Variants in IQCM observed in about 807,000 individuals in gnomAD.
IQCM encodes IQ domain-containing protein M.
In IQCM, 45 loss-of-function variants were observed where a neutral mutation model predicts 57.6. That is an observed-to-expected ratio of 0.78 (90% CI 0.62 to 1.00). IQCM has a LOEUF of 1.00. Among genes scored for constraint, IQCM ranks in the 50% least tolerant of loss-of-function variants. IQCM has a pLI of 0.00. For missense variants in IQCM, 468 were observed against 511.6 expected (o/e 0.91, Z 0.82); for synonymous variants, 148 against 158.9 (o/e 0.93, Z 0.51).
At chr4:149,794,999 T>C (rs1772985008) in intron 2 of IQCM, among the ~76,000 whole-genome samples, 1 of 152,122 alleles carries the variant, frequency 6.6e-6, no homozygotes. Flanking sequence ...AAATAATTTA[T>C]AGTAAAAGAT....
At chr4:149,556,657 A>C (rs1481320414) in intron 10 of IQCM, among the ~76,000 whole-genome samples, 1 of 152,230 alleles carries the variant, frequency 6.6e-6, no homozygotes, top group African/African-American at 2.4e-5. Context: ...ACAGTGAAAT[A>C]AAAATTGAAC....
intron 9 of IQCM, among the ~76,000 whole-genome samples, chr4:149,574,275 G>A (rs1259709000): frequency 6.6e-6 from 1 of 151,846 alleles, no homozygotes; most frequent in Admixed American, 6.6e-5. Context: ...ATTTTGATAT[G>A]GAGCAAATTG....
At chr4:149,569,059 T>A (rs1470685555) in intron 9 of IQCM, among the ~76,000 whole-genome samples, 3 of 152,068 alleles carry the variant, frequency 2.0e-5, no homozygotes, top group Non-Finnish European at 4.4e-5. Flanking sequence ...GAACCCTACA[T>A]CTACATGACA....
chr4:149,647,747 T>G (rs1758775118), intron 7 of IQCM, among the ~76,000 whole-genome samples: 1 of 152,174 alleles, frequency 6.6e-6, no homozygotes, highest in Non-Finnish European at 1.5e-5. Context: ...AATTTAGGAT[T>G]AATTGGGTCT....
intron 6 of IQCM, among the ~76,000 whole-genome samples, chr4:149,682,578 A>C (rs1291444952): frequency 6.6e-6 from 1 of 151,030 alleles, no homozygotes; most frequent in Non-Finnish European, 1.5e-5. Flanking sequence ...TCAACAGCTG[A>C]ATAAAGTCAA....
At chr4:149,625,549 C>G (rs1482572197) in intron 7 of IQCM, among the ~76,000 whole-genome samples, 1 of 152,172 alleles carries the variant, frequency 6.6e-6, no homozygotes, top group African/African-American at 2.4e-5. Context: ...TATGATTGGA[C>G]AAAATGTGGT....
chr4:149,756,009 T>C (rs184528892), intron 2 of IQCM, among the ~76,000 whole-genome samples: 3 of 152,268 alleles, frequency 2.0e-5, no homozygotes, highest in Admixed American at 6.5e-5. Context: ...CTTTTAATAA[T>C]TGTTTGGAGG....
intron 2 of IQCM, among the ~76,000 whole-genome samples, chr4:149,755,487 G>T (rs1561237526): frequency 6.6e-6 from 1 of 151,938 alleles, no homozygotes; most frequent in Non-Finnish European, 1.5e-5. Flanking sequence ...TACCTTATTT[G>T]CCTGAAATGT....
chr4:149,583,209 TATA>T (rs1009817910), intron 9 of IQCM, among the ~76,000 whole-genome samples: 20 of 151,760 alleles, frequency 1.3e-4, no homozygotes, highest in Middle Eastern at 6.8e-3. Context: ...TTACATGAAC[TATA>T]ATAATATTTG....
chr4:149,759,883 A>G (rs1379646898), intron 2 of IQCM, among the ~76,000 whole-genome samples: 1 of 152,118 alleles, frequency 6.6e-6, no homozygotes, highest in Non-Finnish European at 1.5e-5. Context: ...AATAGAAGAA[A>G]GAAATTTAAA....
chr4:149,769,150 C>T (rs1200810263), intron 2 of IQCM, among the ~76,000 whole-genome samples: 1 of 151,978 alleles, frequency 6.6e-6, no homozygotes, highest in Admixed American at 6.6e-5. Flanking sequence ...GATTCTATCT[C>T]ATTAAATATT....
chr4:149,736,208 A>C (rs961692639), intron 3 of IQCM, among the ~76,000 whole-genome samples: 1 of 152,152 alleles, frequency 6.6e-6, no homozygotes, highest in African/African-American at 2.4e-5. Context: ...TTGGCCTCCC[A>C]AAGTGCTGGG....
At chr4:149,505,298 C>CT (rs934297638) in intron 12 of IQCM, among the ~76,000 whole-genome samples, 3 of 152,070 alleles carry the variant, frequency 2.0e-5, no homozygotes, top group Non-Finnish European at 4.4e-5. Flanking sequence ...TTAAAATAAT[C>CT]TTTGTTTGAC....
At chr4:149,608,248 G>A (rs1183805419) in intron 8 of IQCM, among the ~76,000 whole-genome samples, 6 of 151,862 alleles carry the variant, frequency 4.0e-5, no homozygotes, top group Admixed American at 1.3e-4. Flanking sequence ...CAACACTGGA[G>A]CACCCAGAAA....
At chr4:149,493,086 T>C (rs1415709247) in intron 12 of IQCM, among the ~76,000 whole-genome samples, 1 of 152,112 alleles carries the variant, frequency 6.6e-6, no homozygotes, top group East Asian at 1.9e-4. Context: ...TATCCACTCC[T>C]GGGGAAGTTG....
intron 5 of IQCM, among the ~76,000 whole-genome samples, chr4:149,699,009 A>C (rs1409167339): frequency 1.3e-5 from 2 of 152,140 alleles, no homozygotes; most frequent in Non-Finnish European, 2.9e-5. Flanking sequence ...GTTGATGATT[A>C]TAAAGATATG....
At chr4:149,420,703 C>A (rs1289381500) in intron 13 of IQCM, among the ~76,000 whole-genome samples, 1 of 151,996 alleles carries the variant, frequency 6.6e-6, no homozygotes, top group African/African-American at 2.4e-5. Context: ...ACTGAAACCA[C>A]AGACACCAGG....
intron 12 of IQCM, among the ~76,000 whole-genome samples, chr4:149,476,385 A>G (rs1740193052): frequency 6.6e-6 from 1 of 152,166 alleles, no homozygotes; most frequent in Non-Finnish European, 1.5e-5. Context: ...CATGATGAGT[A>G]AGGATTTGTA....
At chr4:149,372,424 C>T (rs1196609559) in intron 13 of IQCM, among the ~76,000 whole-genome samples, 1 of 152,020 alleles carries the variant, frequency 6.6e-6, no homozygotes, top group African/African-American at 2.4e-5. Context: ...AACCCATGGG[C>T]ATGTAGATAT....
Sources: gnomAD v4.1 joint callset for allele counts (sites outside exome capture counted in the v4.1 genomes callset) on GRCh38, gnomAD v4.1.1 for gene constraint, MANE v1.5 for transcripts, NCBI Gene and HGNC (gene_info 2026-07-23, HGNC 2026-07-21) for gene names.